The following HYDIN variants were observed in gnomAD, a reference collection of about 807,000 sequenced individuals.
The protein encoded by HYDIN is axonemal central pair apparatus protein HYDIN.
In HYDIN, 132 loss-of-function variants were observed where a neutral mutation model predicts 403.9. The observed-to-expected ratio is 0.33, with a 90% CI of 0.28 to 0.38. The LOEUF (loss-of-function observed/expected upper bound fraction) is 0.38, where lower values mean the gene tolerates loss of function less well. HYDIN is among the 10% of genes least tolerant of loss of function. The pLI, the probability that HYDIN is intolerant of heterozygous loss-of-function variation, is 1.00. For synonymous variants in HYDIN, 1,202 were observed against 1,891.7 expected, an observed-to-expected ratio of 0.64 and a Z score of 9.46; for missense variants, 2,827 against 5,009.5, an observed-to-expected ratio of 0.56 and a Z score of 13.15.
intron 40 of HYDIN, among the ~76,000 whole-genome samples, chr16:70,953,670 T>C (rs973947842): frequency 5.9e-5 from 9 of 152,056 alleles, no homozygotes; most frequent in African/African-American, 2.2e-4. Flanking sequence ...CCTACCCTAG[T>C]GGTTTCATGG....
chr16:70,871,847 C>T (rs545758294), intron 65 of HYDIN, among the ~76,000 whole-genome samples, 190 bp downstream of exon 65: 83 of 135,742 alleles, frequency 6.1e-4, no homozygotes, highest in Middle Eastern at 7.0e-3. Flanking sequence ...TCCGTCTTCC[C>T]CTCTTAACCA....
At chr16:71,137,833 T>G (rs1466099228) in intron 7 of HYDIN, among the ~76,000 whole-genome samples, 1 of 151,766 alleles carries the variant, frequency 6.6e-6, no homozygotes, top group Non-Finnish European at 1.5e-5. Flanking sequence ...ATTCAGTAAC[T>G]TCAAAAATAG....
intron 7 of HYDIN, among the ~76,000 whole-genome samples, chr16:71,139,298 T>C (rs926021270): frequency 6.6e-6 from 1 of 151,996 alleles, no homozygotes; most frequent in East Asian, 1.9e-4. Flanking sequence ...GGTACTTGCA[T>C]CCAAAGTTTC....
intron 4 of HYDIN, among the ~76,000 whole-genome samples, chr16:71,178,359 C>T (rs902523581): frequency 4.1e-5 from 6 of 147,414 alleles, no homozygotes; most frequent in African/African-American, 1.5e-4. Context: ...GCGGAGGTTG[C>T]AGTGAGCCGA....
chr16:70,969,094 A>G (rs1165475642), intron 36 of HYDIN, among the ~76,000 whole-genome samples: 1 of 152,166 alleles, frequency 6.6e-6, no homozygotes, highest in Non-Finnish European at 1.5e-5. Flanking sequence ...TACTCTGGAT[A>G]ACAGAGAAAA....
chr16:70,960,929 G>A (rs1441933904), intron 38 of HYDIN, among the ~76,000 whole-genome samples: 2 of 152,218 alleles, frequency 1.3e-5, no homozygotes, highest in Non-Finnish European at 1.5e-5. Flanking sequence ...CTGACCTCAT[G>A]ATCCGCCTGC....
At chr16:70,888,704 A>C (rs1774339) in intron 58 of HYDIN, among the ~76,000 whole-genome samples, 1 of 152,044 alleles carries the variant, frequency 6.6e-6, no homozygotes, top group Non-Finnish European at 1.5e-5. Flanking sequence ...GGGAATGAAA[A>C]TCTCGGCTTG....
rs1388657685 is a variant in HYDIN, at chr16:70,855,350, C to T, written c.12296-75G>A. Reference sequence around the variant, plus strand: ...GAGTCTCTCAGCAGACACCGCTTCACAGGCAAGACATTTAGAAGACATTCC... The same window carrying T: ...GAGTCTCTCAGCAGACACCGCTTCATAGGCAAGACATTTAGAAGACATTCC... On this transcript the variant is annotated intron_variant, in intron 72 of 85. Transcript: ENST00000393567. 4 of 731,818 alleles carry T rather than the reference C, an allele frequency of 5.5e-6. 1 individual carries two copies. The South Asian group carries it at 5.5e-5, about 10-fold the overall frequency. The allele number at this position is 731,818 out of a possible 1,614,324, so 45.3% of individuals were successfully genotyped here. A position where few individuals can be genotyped will look rare whatever the true frequency, so the allele number is the denominator to read the frequency against.
At chr16:70,894,329 G>A (rs1186872967) in intron 55 of HYDIN, 120 bp downstream of exon 55, 3 of 1,422,138 alleles carry the variant, frequency 2.1e-6, no homozygotes, top group East Asian at 2.4e-5. Flanking sequence ...TATTCCCCAC[G>A]GTGGACTTGA....
chr16:71,108,551 C>T lies in HYDIN; in HGVS notation c.1327+7145G>A, dbSNP rs10744984. Among the ~76,000 whole-genome samples the T allele has an allele frequency of 6.8e-3, 1,033 of 152,050 alleles. 7 individuals are homozygous for T. Among genetic ancestry groups the T allele is most frequent in the African/African-American group, 0.024 (988 of 41,454 alleles). On this transcript the variant is annotated intron_variant, in intron 10 of 85. Transcript: ENST00000393567. The stretch of plus-strand genomic sequence containing the variant: ...ACCGGTATGTGTATAAGTTTCCAAT[C>T]GTTGCTACAAGAAACTGTCACAAAC...
intron 41 of HYDIN, among the ~76,000 whole-genome samples, chr16:70,951,200 A>C (rs2078056558): frequency 6.6e-6 from 1 of 150,916 alleles, no homozygotes; most frequent in African/African-American, 2.4e-5. Context: ...GTGCCACTGC[A>C]CTCCAGCCTG....
At chr16:71,061,225 G>C (rs1486861998) in intron 17 of HYDIN, among the ~76,000 whole-genome samples, 1 of 149,114 alleles carries the variant, frequency 6.7e-6, no homozygotes, top group Non-Finnish European at 1.5e-5. Flanking sequence ...TGTGCAGGGG[G>C]GTAGGACAGC....
chr16:71,186,735 T>C, intron 2 of HYDIN, 26 bp downstream of exon 2: 1 of 1,591,658 alleles, frequency 6.3e-7, no homozygotes, highest in Non-Finnish European at 8.6e-7. Flanking sequence ...TTAAGTATTT[T>C]ACATATTAAT....
intron 39 of HYDIN, 22 bp from the exon 40 acceptor site, chr16:70,955,570 T>G: frequency 8.7e-7 from 1 of 1,148,428 alleles, no homozygotes; most frequent in East Asian, 2.4e-5. Flanking sequence ...ACCAGGGGGT[T>G]GAATTTCACG....
At position 70,833,806 on chromosome 16, in the gene HYDIN, C is replaced by T. The variant is rs1597073927; in HGVS notation, c.13679+81G>A. 4 of 918,430 alleles carry T rather than the reference C, an allele frequency of 4.4e-6. No homozygotes were observed. In the East Asian group the frequency reaches 1.1e-4, roughly 24 times the overall value. The allele number at this position is 918,430 out of a possible 1,614,324, so 56.9% of individuals were successfully genotyped here. Reference sequence around the variant, plus strand: ...AGAGGACAGAAGTAAAAAGTGATTGCACTTGCAGAACAAGTCCAGGGCAGA... The same window carrying T: ...AGAGGACAGAAGTAAAAAGTGATTGTACTTGCAGAACAAGTCCAGGGCAGA... On this transcript the variant is annotated intron_variant, in intron 79 of 85. Coordinates refer to ENST00000393567, the MANE Select transcript of HYDIN (RefSeq NM_001270974.2).
intron 3 of HYDIN, 39 bp downstream of exon 3, chr16:71,184,826 G>T: frequency 6.5e-7 from 1 of 1,526,908 alleles, no homozygotes; most frequent in Non-Finnish European, 8.9e-7. Context: ...TGTTGTGCCA[G>T]GGCCCACTTT....
At chr16:70,944,848 G>A (rs2077801230) in intron 41 of HYDIN, among the ~76,000 whole-genome samples, 1 of 152,192 alleles carries the variant, frequency 6.6e-6, no homozygotes. Flanking sequence ...CGCCTCTCGG[G>A]TTTAAGTGAT....
intron 7 of HYDIN, among the ~76,000 whole-genome samples, chr16:71,151,174 T>C (rs960304881): frequency 7.2e-5 from 11 of 152,218 alleles, no homozygotes; most frequent in African/African-American, 2.7e-4. Context: ...ACCCTTTGGT[T>C]ATATGGGTCA....
At chr16:71,040,144 G>A (rs974976371) in intron 18 of HYDIN, among the ~76,000 whole-genome samples, 1 of 152,044 alleles carries the variant, frequency 6.6e-6, no homozygotes, top group African/African-American at 2.4e-5. Flanking sequence ...AGTGCAGCAG[G>A]TCCCAGTAAG....
Sources: gnomAD v4.1 joint callset for allele counts (sites outside exome capture counted in the v4.1 genomes callset) on GRCh38, gnomAD v4.1.1 for gene constraint, MANE v1.5 for transcripts, NCBI Gene and HGNC (gene_info 2026-07-23, HGNC 2026-07-21) for gene names.